Variants in MTHFS observed in about 807,000 individuals in gnomAD.
MTHFS encodes 5-formyltetrahydrofolate cyclo-ligase.
A neutral mutation model predicts 12.7 loss-of-function variants in MTHFS; 7 were observed. That is an observed-to-expected ratio of 0.55 (90% confidence interval 0.31 to 1.03). MTHFS has a LOEUF of 1.03. Among genes scored for constraint, MTHFS ranks in the 50% least tolerant of loss-of-function variants. The probability of loss-of-function intolerance (pLI) is 0.05; values close to 1 mark genes in which losing one functional copy is unlikely to be tolerated. For missense variants in MTHFS, 252 were observed against 258.1 expected (o/e 0.98, Z 0.16); for synonymous variants, 100 against 97.1 (o/e 1.03, Z -0.18).
chr15:79,889,474 A>C, intron 1 of MTHFS, 120 bp from the exon 2 acceptor site: 15 of 1,226,872 alleles, frequency 1.2e-5, no homozygotes, highest in Non-Finnish European at 1.5e-5. Flanking sequence ...AGAAAAAAAA[A>C]GGGGGGGGGA....
At chr15:79,869,202 T>G (rs2034062776) in intron 2 of MTHFS, among the ~76,000 whole-genome samples, 1 of 152,222 alleles carries the variant, frequency 6.6e-6, no homozygotes, top group African/African-American at 2.4e-5. Flanking sequence ...TCCACAAGTA[T>G]CCTTACTTTG....
intron 1 of MTHFS, among the ~76,000 whole-genome samples, chr15:79,890,389 G>A (rs1034811664): frequency 2.0e-5 from 3 of 151,556 alleles, no homozygotes; most frequent in African/African-American, 4.8e-5. Flanking sequence ...CACCATGTCC[G>A]GCTGATTTTT....
intron 2 of MTHFS, among the ~76,000 whole-genome samples, chr15:79,848,189 T>C (rs2033652671): frequency 1.3e-5 from 2 of 152,338 alleles, no homozygotes; most frequent in Admixed American, 1.3e-4. Context: ...AATTCTGCAA[T>C]ATGCAACCCA....
At chr15:79,895,451 C>G (rs2034551430) in intron 1 of MTHFS, among the ~76,000 whole-genome samples, 1 of 152,214 alleles carries the variant, frequency 6.6e-6, no homozygotes, top group African/African-American at 2.4e-5. Context: ...CTTCTAGGCT[C>G]TCTGCTCCTT....
At chr15:79,868,870 A>G (rs2034056372) in intron 2 of MTHFS, among the ~76,000 whole-genome samples, 1 of 152,236 alleles carries the variant, frequency 6.6e-6, no homozygotes, top group African/African-American at 2.4e-5. Context: ...TCCTAAAAGT[A>G]TAGATATAGA....
At chr15:79,885,464 C>A (rs543331328) in intron 2 of MTHFS, among the ~76,000 whole-genome samples, 2 of 152,276 alleles carry the variant, frequency 1.3e-5, no homozygotes, top group East Asian at 3.9e-4. Context: ...GTATCCATTC[C>A]CCCTTGTTCT....
intron 2 of MTHFS, among the ~76,000 whole-genome samples, chr15:79,846,128 G>A (rs1287641187): frequency 6.6e-6 from 1 of 152,192 alleles, no homozygotes; most frequent in African/African-American, 2.4e-5. Context: ...TGGAGCTCAG[G>A]GTGGGAGGCA....
chr15:79,846,296 A>G (rs1431563040), intron 2 of MTHFS, among the ~76,000 whole-genome samples: 1 of 152,220 alleles, frequency 6.6e-6, no homozygotes, highest in East Asian at 1.9e-4. Context: ...TAAGAGCCAC[A>G]TTACATGTCA....
chr15:79,880,144 A>G (rs1388420380), intron 2 of MTHFS, among the ~76,000 whole-genome samples: 2 of 148,822 alleles, frequency 1.3e-5, no homozygotes, highest in Non-Finnish European at 3.0e-5. Flanking sequence ...ATCTCAGCTC[A>G]CTGCAAGCTC....
intron 2 of MTHFS, among the ~76,000 whole-genome samples, chr15:79,851,849 G>A (rs2033721883): frequency 6.6e-6 from 1 of 152,202 alleles, no homozygotes; most frequent in African/African-American, 2.4e-5. Flanking sequence ...ACAAGGCCAA[G>A]CATCTTAGAG....
intron 2 of MTHFS, among the ~76,000 whole-genome samples, chr15:79,888,295 A>C (rs1414440460): frequency 6.6e-6 from 1 of 152,180 alleles, no homozygotes; most frequent in Non-Finnish European, 1.5e-5. Context: ...GAAAGATGTG[A>C]AAATAGAAAG....
In MTHFS at chr15:79,865,537, G is replaced by A. The variant is rs116066376; in HGVS notation, c.380-20095C>T. Among the ~76,000 whole-genome samples, 802 of 152,326 alleles carry A rather than the reference G, an allele frequency of 5.3e-3. 1 individual carries two copies. The highest frequency in any genetic ancestry group is 0.017 in the African/African-American group (719 of 41,574). ...GCCAGGAGGAGCAGGTATACGTATC[G>A]TAACGATGGGTCTCTGGGCAGCAAG... On this transcript the variant is annotated intron_variant, in intron 2 of 2. Transcript: ENST00000258874.
At chr15:79,860,857 G>A (rs900985275) in intron 2 of MTHFS, among the ~76,000 whole-genome samples, 1 of 152,072 alleles carries the variant, frequency 6.6e-6, no homozygotes, top group African/African-American at 2.4e-5. Context: ...TTATTAAAAG[G>A]GGTATGTTTC....
rs2033559983 is a variant in MTHFS at position 79,843,733 on chromosome 15, T to C, written c.*1477A>G. 1.3e-5 allele frequency: 2 copies of C among 152,244 alleles called. No individual in the cohort carries two copies. The highest frequency in any genetic ancestry group is 1.3e-4 in the Admixed American group (2 of 15,286). The allele number at this position is 152,244 out of a possible 1,614,324, so 9.4% of individuals were successfully genotyped here. A position where few individuals can be genotyped will look rare whatever the true frequency, so the allele number is the denominator to read the frequency against. ...TAAGCATAAGAAGTATAAAGATCAC[T>C]TCTTTTCTTTGGAGCTCACAGTATG... On this transcript the variant is annotated 3_prime_UTR_variant, in exon 3 of 3. Transcript: ENST00000258874.
In MTHFS at chr15:79,879,241, T is replaced by C. The variant is rs572913843; in HGVS notation, c.379+9852A>G. On this transcript the variant is annotated intron_variant, in intron 2 of 2. Transcript: ENST00000258874. ...TAACTGCAGAGAAAGTTAAAATCCC[T>C]GGAGGGTCTGCCTGCAGGCCTGCCC... Among the ~76,000 whole-genome samples the C allele has an allele frequency of 9.2e-5, 14 of 151,778 alleles. No individual in the cohort carries two copies. In the South Asian group the frequency reaches 2.9e-3, roughly 32 times the overall value.
intron 2 of MTHFS, among the ~76,000 whole-genome samples, chr15:79,883,350 C>T (rs764547454): frequency 1.3e-5 from 2 of 152,178 alleles, no homozygotes; most frequent in African/African-American, 4.8e-5. Flanking sequence ...TATACAGGCA[C>T]GCTTTGAATT....
intron 2 of MTHFS, among the ~76,000 whole-genome samples, chr15:79,887,103 G>A (rs2034395906): frequency 6.6e-6 from 1 of 152,004 alleles, no homozygotes; most frequent in African/African-American, 2.4e-5. Context: ...CCACGGTGGC[G>A]CACGCCTGTA....
chr15:79,856,257 T>G (rs748782561), intron 2 of MTHFS, among the ~76,000 whole-genome samples: 13 of 152,248 alleles, frequency 8.5e-5, no homozygotes, highest in Non-Finnish European at 1.0e-4. Flanking sequence ...CTTGTATTTC[T>G]CTTATGATGA....
chr15:79,872,131 T>C (rs62027989), intron 2 of MTHFS, among the ~76,000 whole-genome samples: 4 of 149,018 alleles, frequency 2.7e-5, no homozygotes. Flanking sequence ...AAAAAAAATT[T>C]AAGTATAGCT....
Sources: gnomAD v4.1 joint callset for allele counts (sites outside exome capture counted in the v4.1 genomes callset) on GRCh38, gnomAD v4.1.1 for gene constraint, MANE v1.5 for transcripts, NCBI Gene and HGNC (gene_info 2026-07-23, HGNC 2026-07-21) for gene names.